DENND5B: variants seen among roughly 807,000 people sequenced by gnomAD.
The protein encoded by DENND5B is DENN domain containing 5B, also known as DENN domain-containing protein 5B.
DENND5B carries 34 observed loss-of-function variants against 140.6 expected under a neutral mutation model. The ratio of observed to expected loss-of-function variants is 0.24; its 90% CI spans 0.18 to 0.32. The LOEUF (loss-of-function observed/expected upper bound fraction) is 0.32, where lower values mean the gene tolerates loss of function less well. Among genes scored for constraint, DENND5B ranks in the 10% least tolerant of loss-of-function variants. The pLI, the probability that DENND5B is intolerant of heterozygous loss-of-function variation, is 1.00. For missense variants in DENND5B, 1,142 were observed against 1,560.2 expected (o/e 0.73, Z 4.52); for synonymous variants, 551 against 562.1 (o/e 0.98, Z 0.28).
At chr12:31,424,456 T>C in intron 10 of DENND5B, 79 bp downstream of exon 10, 1 of 1,396,670 alleles carries the variant, frequency 7.2e-7, no homozygotes, top group Non-Finnish European at 9.5e-7. Context: ...TTTTTTTTAA[T>C]GACATATTTG....
chr12:31,567,956 C>T lies in DENND5B; in HGVS notation c.127+22750G>A, dbSNP rs138361623. ...CTCAAGCCAAGCCATCCTCCCACCT[C>T]GGCCTTCCAAAGTACGGGATTACAG... On this transcript the variant is annotated intron_variant, in intron 1 of 20. Coordinates refer to ENST00000389082, the MANE Select transcript of DENND5B (RefSeq NM_144973.4). 4.6e-3 allele frequency among the ~76,000 whole-genome samples: 705 copies of T among 152,304 alleles called. 7 individuals are homozygous for T. Among genetic ancestry groups the T allele is most frequent in the African/African-American group, 0.016 (656 of 41,564 alleles).
At chr12:31,559,919 T>C (rs1159965617) in intron 1 of DENND5B, among the ~76,000 whole-genome samples, 1 of 152,162 alleles carries the variant, frequency 6.6e-6, no homozygotes, top group Non-Finnish European at 1.5e-5. Context: ...TCTTTACTGT[T>C]CTATTCTCCA....
chr12:31,560,888 C>G (rs1736027256), intron 1 of DENND5B, among the ~76,000 whole-genome samples: 1 of 152,170 alleles, frequency 6.6e-6, no homozygotes, highest in Admixed American at 6.5e-5. Context: ...TCAGTGAGGG[C>G]TACCCTGAAC....
intron 13 of DENND5B, among the ~76,000 whole-genome samples, chr12:31,410,696 C>T (rs1053846042): frequency 2.6e-5 from 4 of 152,120 alleles, no homozygotes; most frequent in African/African-American, 9.7e-5. Context: ...TGAGCCACCA[C>T]ACCCAGCCTA....
In DENND5B at chr12:31,421,426, CA is replaced by C. The variant is rs563758722; in HGVS notation, c.2470+2170del. ...ATTCATTAGGAAGCTTAATAATTGG[CA>C]AAAAAAGTATTTGGTGGAAAACCAG... is the stretch of plus-strand genomic sequence containing the variant. On this transcript the variant is annotated intron_variant, in intron 11 of 20. Coordinates refer to ENST00000389082, the MANE Select transcript of DENND5B (RefSeq NM_144973.4). Among the ~76,000 whole-genome samples the C allele has an allele frequency of 2.6e-5, 4 of 151,804 alleles. No individual in the cohort carries two copies. In the East Asian group the frequency reaches 7.7e-4, roughly 29 times the overall value.
intron 2 of DENND5B, among the ~76,000 whole-genome samples, chr12:31,491,656 G>A (rs1369450456): frequency 6.6e-6 from 1 of 152,026 alleles, no homozygotes; most frequent in Non-Finnish European, 1.5e-5. Flanking sequence ...ACTGTTTATT[G>A]TATTGTTCTT....
chr12:31,487,460 G>T (rs1050559847), intron 2 of DENND5B, among the ~76,000 whole-genome samples: 10 of 152,176 alleles, frequency 6.6e-5, no homozygotes, highest in African/African-American at 2.4e-4. Context: ...TACTTCGGGA[G>T]GCTGAGACGG....
intron 2 of DENND5B, among the ~76,000 whole-genome samples, chr12:31,484,156 G>C (rs573980483): frequency 2.0e-5 from 3 of 152,116 alleles, no homozygotes; most frequent in Non-Finnish European, 4.4e-5. Context: ...ACCCGGCCTC[G>C]AGCAATTTTC....
intron 1 of DENND5B, among the ~76,000 whole-genome samples, chr12:31,509,738 G>C (rs948172424): frequency 6.6e-6 from 1 of 152,144 alleles, no homozygotes; most frequent in Non-Finnish European, 1.5e-5. Flanking sequence ...GTTGGAAGAT[G>C]AAAGGTGCAA....
chr12:31,518,723 T>C (rs571416489), intron 1 of DENND5B, among the ~76,000 whole-genome samples: 36 of 152,006 alleles, frequency 2.4e-4, no homozygotes, highest in Admixed American at 2.6e-4. Context: ...CTCAAAAGCA[T>C]AGCTAATTTT....
chr12:31,527,229 G>C (rs938723513), intron 1 of DENND5B, among the ~76,000 whole-genome samples: 1 of 152,208 alleles, frequency 6.6e-6, no homozygotes, highest in Non-Finnish European at 1.5e-5. Context: ...CAGACATGAA[G>C]GAGGTGAGAC....
intron 1 of DENND5B, among the ~76,000 whole-genome samples, chr12:31,516,059 A>C (rs975131643): frequency 2.0e-5 from 3 of 152,216 alleles, no homozygotes; most frequent in African/African-American, 7.2e-5. Context: ...TATGAAAACT[A>C]GGTTGCCCCT....
intron 2 of DENND5B, among the ~76,000 whole-genome samples, chr12:31,483,612 T>C (rs6487991): frequency 0.38 from 58,011 of 151,512 alleles, 11,924 homozygotes; most frequent in East Asian, 0.57. Flanking sequence ...GGCTAATTTC[T>C]GTATTTTTAG....
intron 1 of DENND5B, among the ~76,000 whole-genome samples, chr12:31,518,032 T>C (rs1006250854): frequency 6.6e-6 from 1 of 152,194 alleles, no homozygotes; most frequent in African/African-American, 2.4e-5. Context: ...CAAAGGTAGA[T>C]CTGCGGGCAG....
intron 14 of DENND5B, among the ~76,000 whole-genome samples, chr12:31,407,785 G>A (rs535262743): frequency 8.5e-5 from 13 of 152,288 alleles, no homozygotes; most frequent in African/African-American, 2.6e-4. Flanking sequence ...GCCTGGGTCC[G>A]TGACAGCACT....
intron 4 of DENND5B, among the ~76,000 whole-genome samples, chr12:31,453,424 C>T (rs1156326532): frequency 6.6e-6 from 1 of 152,140 alleles, no homozygotes; most frequent in Admixed American, 6.6e-5. Flanking sequence ...GTATAAAGTT[C>T]TGATTATCCC....
intron 8 of DENND5B, among the ~76,000 whole-genome samples, chr12:31,431,069 T>C (rs1424441483): frequency 6.6e-6 from 1 of 152,208 alleles, no homozygotes; most frequent in Admixed American, 6.5e-5. Context: ...TCACAAGAAA[T>C]GCTTTTATAA....
chr12:31,555,802 C>T (rs1293903603), intron 1 of DENND5B, among the ~76,000 whole-genome samples: 4 of 152,184 alleles, frequency 2.6e-5, no homozygotes, highest in African/African-American at 4.8e-5. Flanking sequence ...AGTTTGATCT[C>T]GGACTGCTAT....
At chr12:31,493,959 TTCTATA>T (rs1226679932) in intron 2 of DENND5B, among the ~76,000 whole-genome samples, 1 of 152,110 alleles carries the variant, frequency 6.6e-6, no homozygotes, top group Admixed American at 6.5e-5. Flanking sequence ...CCCAATTCAT[TTCTATA>T]TCTATCATGC....
Sources: allele counts gnomAD v4.1 joint callset (sites outside exome capture counted in the v4.1 genomes callset), GRCh38; gene constraint gnomAD v4.1.1; transcripts MANE v1.5; gene names NCBI Gene and HGNC (gene_info 2026-07-23, HGNC 2026-07-21).